UNC13C: variants seen among roughly 807,000 people sequenced by gnomAD.
UNC13C encodes the protein unc-13 homolog C.
A neutral mutation model predicts 245.4 loss-of-function variants in UNC13C; 174 were observed. The observed-to-expected ratio is 0.71, with a 90% CI of 0.63 to 0.80. UNC13C has a LOEUF of 0.80. UNC13C is among the 30% of genes least tolerant of loss of function. The probability of loss-of-function intolerance (pLI) is 0.00; values close to 1 mark genes in which losing one functional copy is unlikely to be tolerated. For missense variants in UNC13C, 2,829 were observed against 2,602.9 expected (o/e 1.09, Z -1.89); for synonymous variants, 992 against 895.1 (o/e 1.11, Z -1.93).
intron 2 of UNC13C, among the ~76,000 whole-genome samples, chr15:54,104,107 C>T (rs1040161062): frequency 6.6e-6 from 1 of 152,218 alleles, no homozygotes; most frequent in African/African-American, 2.4e-5. Context: ...TTGGGCCTCT[C>T]GCCTCAGCGA....
intron 19 of UNC13C, 98 bp downstream of exon 19, chr15:54,415,165 A>G: frequency 1.2e-6 from 1 of 838,768 alleles, no homozygotes; most frequent in Non-Finnish European, 1.8e-6. Flanking sequence ...ACATTAAAAC[A>G]CTGATTACTG....
intron 2 of UNC13C, among the ~76,000 whole-genome samples, chr15:54,036,185 A>G (rs1164154664): frequency 2.0e-5 from 3 of 152,178 alleles, no homozygotes; most frequent in Non-Finnish European, 4.4e-5. Context: ...TGTTACTGAT[A>G]AAAGCTTCAA....
chr15:54,300,982 T>G (rs1254944286), intron 13 of UNC13C, among the ~76,000 whole-genome samples: 1 of 119,182 alleles, frequency 8.4e-6, no homozygotes, highest in African/African-American at 4.2e-5. Flanking sequence ...TACCACAGAA[T>G]TAACTTATTA....
At chr15:54,351,002 CAT>C (rs1252989532) in intron 17 of UNC13C, among the ~76,000 whole-genome samples, 1 of 152,120 alleles carries the variant, frequency 6.6e-6, no homozygotes, top group Non-Finnish European at 1.5e-5. Context: ...CTATTTTTCA[CAT>C]TGTGACTTTG....
At position 54,081,305 on chromosome 15, in the gene UNC13C, A is replaced by G. The variant is rs148279556; in HGVS notation, c.2984-61713A>G. Among the ~76,000 whole-genome samples, 191 of 152,240 alleles carry G rather than the reference A, an allele frequency of 1.3e-3. 4 individuals carry two copies. In the South Asian group the frequency reaches 0.028, roughly 22 times the overall value. ...TGTTCTGTAGATGCCTATTAAGTCC[A>G]TTTGGACAAGAGTCCAATTTAAGTC... On this transcript the variant is annotated intron_variant, in intron 2 of 32. Transcript: ENST00000260323.
chr15:54,546,715 T>A lies in UNC13C; in HGVS notation c.5697-7T>A, dbSNP rs1170526547. On this transcript the variant is annotated splice_polypyrimidine_tract_variant and splice_region_variant and intron_variant, in intron 26 of 32. Transcript: ENST00000260323. ...AAAGTGAATATATATATATATTTTT[T>A]TTTCAGATTAAGTCTCTCAGCAAAA... 2 of 1,464,726 alleles carry A rather than the reference T, an allele frequency of 1.4e-6. No homozygotes were observed. The highest frequency in any genetic ancestry group is 1.5e-5 in the African/African-American group (1 of 66,974). The allele number at this position is 1,464,726 out of a possible 1,614,324, so 90.7% of individuals were successfully genotyped here.
chr15:54,187,233 A>G lies in UNC13C; in HGVS notation c.3071+43549A>G, dbSNP rs147247061. Among the ~76,000 whole-genome samples, 1,470 of 152,106 alleles carry G rather than the reference A, an allele frequency of 9.7e-3. 19 individuals carry two copies. Among genetic ancestry groups the G allele is most frequent in the Non-Finnish European group, 0.011 (757 of 67,984 alleles). On this transcript the variant is annotated intron_variant, in intron 4 of 32. Coordinates refer to ENST00000260323, the MANE Select transcript of UNC13C (RefSeq NM_001080534.3). ...TCCTGAATCTCTCCTCTTCATCACT[A>G]CTGCCTTACCCTGACTTGGACTTTT...
At chr15:54,367,661 T>C (rs2039394915) in intron 17 of UNC13C, among the ~76,000 whole-genome samples, 1 of 152,152 alleles carries the variant, frequency 6.6e-6, no homozygotes, top group African/African-American at 2.4e-5. Flanking sequence ...AATTATAGCA[T>C]AATAAAAGCT....
chr15:54,583,949 CAGGCCCTAA>C (rs1898335642), intron 30 of UNC13C, among the ~76,000 whole-genome samples: 2 of 152,236 alleles, frequency 1.3e-5, no homozygotes, highest in Non-Finnish European at 2.9e-5. Context: ...GACAAAGCTC[CAGGCCCTAA>C]CTGTGCTCTC....
At chr15:53,867,849 G>C in the UNC13C span, among the ~76,000 whole-genome samples, 2 of 151,524 alleles carry the variant, frequency 1.3e-5, no homozygotes, top group African/African-American at 2.4e-5. Context: ...TTAATTTTTT[G>C]AGACAGGATC....
chr15:53,936,604 C>G, the UNC13C span, among the ~76,000 whole-genome samples: 1 of 152,158 alleles, frequency 6.6e-6, no homozygotes, highest in Non-Finnish European at 1.5e-5. Context: ...TCTCCAGACA[C>G]CTACAGGAGC....
intron 13 of UNC13C, among the ~76,000 whole-genome samples, chr15:54,312,062 C>T (rs2037887560): frequency 6.6e-6 from 1 of 151,588 alleles, no homozygotes; most frequent in African/African-American, 2.4e-5. Flanking sequence ...CACGTTAATG[C>T]TACATTTAAA....
chr15:53,898,802 C>A, the UNC13C span, among the ~76,000 whole-genome samples: 1 of 152,180 alleles, frequency 6.6e-6, no homozygotes, highest in Non-Finnish European at 1.5e-5. Flanking sequence ...TACTGAGTAT[C>A]TACTTCCATA....
rs370147747 is a variant in UNC13C at position 54,410,893 on chromosome 15, TG to T, written c.4848-4088del. Among the ~76,000 whole-genome samples, 687 of 152,318 alleles carry T rather than the reference TG, an allele frequency of 4.5e-3. 9 individuals carry two copies. The highest frequency in any genetic ancestry group is 0.016 in the African/African-American group (654 of 41,586). ...AATTTTTCTTCTAATTCTATAAAAATGTCATTTGCCAAACTGCTTTCCAAAA... is the reference window on the plus strand; with the variant it reads ...AATTTTTCTTCTAATTCTATAAAAATTCATTTGCCAAACTGCTTTCCAAAA... On this transcript the variant is annotated intron_variant, in intron 18 of 32. Coordinates refer to ENST00000260323, the MANE Select transcript of UNC13C (RefSeq NM_001080534.3).
chr15:54,162,239 A>T (rs770978088), intron 4 of UNC13C, among the ~76,000 whole-genome samples: 2 of 152,218 alleles, frequency 1.3e-5, no homozygotes, highest in South Asian at 4.1e-4. Context: ...GTGACTAGAT[A>T]TAATCCCCAG....
chr15:54,456,512 A>G (rs1891536940), intron 19 of UNC13C, among the ~76,000 whole-genome samples: 1 of 151,884 alleles, frequency 6.6e-6, no homozygotes, highest in African/African-American at 2.4e-5. Context: ...TGTTTGTATC[A>G]TCTGTTTCTT....
At chr15:54,437,035 T>C (rs1340537083) in intron 19 of UNC13C, among the ~76,000 whole-genome samples, 2 of 151,976 alleles carry the variant, frequency 1.3e-5, no homozygotes, top group Admixed American at 1.3e-4. Flanking sequence ...TACATTTCTC[T>C]GATGGCTGCC....
At chr15:54,288,346 G>A (rs1000493127) in intron 10 of UNC13C, among the ~76,000 whole-genome samples, 1 of 152,054 alleles carries the variant, frequency 6.6e-6, no homozygotes, top group Non-Finnish European at 1.5e-5. Context: ...ACACTCAAGG[G>A]TGAGTACTGT....
chr15:54,009,022 C>T (rs1434556583), intron 1 of UNC13C, among the ~76,000 whole-genome samples: 1 of 152,150 alleles, frequency 6.6e-6, no homozygotes, highest in African/African-American at 2.4e-5. Flanking sequence ...TTTCCTATCT[C>T]AGTCACTTGT....
Sources: gnomAD v4.1 joint callset for allele counts (sites outside exome capture counted in the v4.1 genomes callset) on GRCh38, gnomAD v4.1.1 for gene constraint, MANE v1.5 for transcripts, NCBI Gene and HGNC (gene_info 2026-07-23, HGNC 2026-07-21) for gene names.